The following OOSP4B variants were observed in gnomAD, a reference collection of about 807,000 sequenced individuals.
OOSP4B encodes oocyte-secreted protein 4B.
intron 2 of OOSP4B, 56 bp from the exon 3 acceptor site, chr11:60,024,852 T>A: frequency 7.5e-6 from 3 of 397,818 alleles, no homozygotes; most frequent in Non-Finnish European, 1.3e-5. Context: ...ATTAAGATCA[T>A]TAAGCCACCA....
At chr11:60,026,786 CGA>C (rs2134627821) in intron 3 of OOSP4B, among the ~76,000 whole-genome samples, 1 of 152,176 alleles carries the variant, frequency 6.6e-6, no homozygotes, top group African/African-American at 2.4e-5. Flanking sequence ...TTGAGTTGCA[CGA>C]GCTATTTTTT....
chr11:60,021,106 T>A (rs1213011027), intron 1 of OOSP4B, among the ~76,000 whole-genome samples: 3 of 152,238 alleles, frequency 2.0e-5, no homozygotes, highest in East Asian at 3.9e-4. Context: ...TCTCTTCACA[T>A]GTTTTTACCT....
At chr11:60,025,409 A>G (rs1854738237) in intron 3 of OOSP4B, among the ~76,000 whole-genome samples, 1 of 152,258 alleles carries the variant, frequency 6.6e-6, no homozygotes, top group African/African-American at 2.4e-5. Flanking sequence ...TATGTTTAAC[A>G]TAAAACCCTA....
At chr11:60,021,962 TGACAAAGCAA>T (rs1462499461) in intron 1 of OOSP4B, 1 of 123,522 alleles carries the variant, frequency 8.1e-6, no homozygotes, top group African/African-American at 3.2e-5. Context: ...CCAGCCTGGG[TGACAAAGCAA>T]GACTCTATCT....
At chr11:60,019,488 G>T in intron 1 of OOSP4B, 1 of 157,134 alleles carries the variant, frequency 6.4e-6, no homozygotes, top group Middle Eastern at 3.0e-3. Flanking sequence ...TCCGGAGTTT[G>T]TTCCTTCTGA....
chr11:60,020,264 TCAGCC>T (rs1854675850), intron 1 of OOSP4B, among the ~76,000 whole-genome samples: 1 of 152,184 alleles, frequency 6.6e-6, no homozygotes, highest in Non-Finnish European at 1.5e-5. Context: ...CCCGCACTCC[TCAGCC>T]CTTGGATGGT....
chr11:60,023,660 C>A (rs1202666055), intron 1 of OOSP4B, among the ~76,000 whole-genome samples: 3 of 152,160 alleles, frequency 2.0e-5, no homozygotes, highest in Non-Finnish European at 4.4e-5. Flanking sequence ...TCTTGAACTC[C>A]TGACCTCAGG....
chr11:60,028,495 T>C (rs1854769143), intron 3 of OOSP4B, among the ~76,000 whole-genome samples: 1 of 152,152 alleles, frequency 6.6e-6, no homozygotes, highest in Non-Finnish European at 1.5e-5. Context: ...CAATGTAAAT[T>C]TTTCCTCAAT....
rs1418236259 is a variant in OOSP4B at position 60,029,586 on chromosome 11, G to C, written c.303-196G>C. The stretch of plus-strand genomic sequence containing the variant: ...AAAGTCAAGTCAAGGATCAATTCTG[G>C]ATCAATAAGTACCATCCTATTCAAG... On this transcript the variant is annotated intron_variant, in intron 3 of 4. Transcript: ENST00000642343. Among the ~76,000 whole-genome samples, 4 of 152,164 alleles carry C rather than the reference G, an allele frequency of 2.6e-5. No homozygotes were observed. The East Asian group carries it at 5.8e-4, about 22-fold the overall frequency.
intron 3 of OOSP4B, among the ~76,000 whole-genome samples, chr11:60,025,915 T>C (rs1854742913): frequency 6.6e-6 from 1 of 152,196 alleles, no homozygotes; most frequent in South Asian, 2.1e-4. Context: ...ATTCTAACCA[T>C]CTGAATAGGT....
intron 1 of OOSP4B, among the ~76,000 whole-genome samples, chr11:60,019,314 G>C (rs901458837): frequency 6.6e-6 from 1 of 152,186 alleles, no homozygotes; most frequent in African/African-American, 2.4e-5. Flanking sequence ...AGGAGTTCCA[G>C]ACCAGACTGG....
In OOSP4B at chr11:60,025,011, A is replaced by C. The variant is rs1369508065; in HGVS notation, c.302+6A>C. ...GTGGTTTGCTTTGTGAAGAGGTATG[A>C]GTAGCTACTTCTCTTACACATTCTT... On this transcript the variant is annotated splice_donor_region_variant and intron_variant, in intron 3 of 4. Coordinates refer to ENST00000642343, the Ensembl canonical transcript of OOSP4B. The C allele has an allele frequency of 2.5e-6, 1 of 398,158 alleles. No homozygotes were observed. Among genetic ancestry groups the C allele is most frequent in the Non-Finnish European group, 4.4e-6 (1 of 225,910 alleles). 24.7% of individuals were successfully genotyped at this position (398,158 alleles called of 1,614,324 possible).
At chr11:60,017,786 G>A (rs1232126030) in intron 1 of OOSP4B, among the ~76,000 whole-genome samples, 1 of 152,136 alleles carries the variant, frequency 6.6e-6, no homozygotes, top group Non-Finnish European at 1.5e-5. Context: ...CCAGGGAAAG[G>A]AAGGACTACC....
intron 2 of OOSP4B, 115 bp from the exon 3 acceptor site, chr11:60,024,793 G>C: frequency 2.5e-6 from 1 of 394,480 alleles, no homozygotes; most frequent in Admixed American, 4.4e-5. Context: ...TTTTATATCT[G>C]TTAAATTAAT....
chr11:60,020,333 T>G (rs933240885), intron 1 of OOSP4B, among the ~76,000 whole-genome samples: 1 of 152,094 alleles, frequency 6.6e-6, no homozygotes, highest in African/African-American at 2.4e-5. Flanking sequence ...GGGAGGCTCC[T>G]GCCGCTGCAG....
intron 1 of OOSP4B, among the ~76,000 whole-genome samples, chr11:60,017,616 A>G (rs1854640936): frequency 6.6e-6 from 1 of 152,116 alleles, no homozygotes; most frequent in South Asian, 2.1e-4. Flanking sequence ...CTCAGTTAAG[A>G]AAAAATTACT....
chr11:60,018,216 A>G (rs539806175), intron 1 of OOSP4B, among the ~76,000 whole-genome samples: 20 of 152,316 alleles, frequency 1.3e-4, no homozygotes, highest in African/African-American at 4.8e-4. Context: ...AAAGCAGCCT[A>G]TGGACTTTCT....
chr11:60,026,073 C>G (rs1052115739), intron 3 of OOSP4B, among the ~76,000 whole-genome samples: 3 of 152,200 alleles, frequency 2.0e-5, no homozygotes, highest in East Asian at 3.9e-4. Flanking sequence ...TCTTAAAGAC[C>G]AGGACTTTGT....
At chr11:60,030,065 A>G in intron 4 of OOSP4B, 136 bp downstream of exon 4, 1 of 392,394 alleles carries the variant, frequency 2.5e-6, no homozygotes, top group East Asian at 3.6e-5. Context: ...ACCCTGTAGA[A>G]TTAGGTACCG....
Sources: gnomAD v4.1 joint callset for allele counts (sites outside exome capture counted in the v4.1 genomes callset) on GRCh38, gnomAD v4.1.1 for gene constraint, MANE v1.5 for transcripts, NCBI Gene and HGNC (gene_info 2026-07-23, HGNC 2026-07-21) for gene names.